Variants in DNAJC8 observed in about 807,000 individuals in gnomAD.
DNAJC8 encodes dnaJ homolog subfamily C member 8.
DNAJC8 carries 24 observed loss-of-function variants against 43.2 expected under a neutral mutation model. That is an observed-to-expected ratio of 0.56 (90% confidence interval 0.40 to 0.78). The LOEUF (loss-of-function observed/expected upper bound fraction) is 0.78, where lower values mean the gene tolerates loss of function less well. Among genes scored for constraint, DNAJC8 ranks in the 30% least tolerant of loss-of-function variants. The pLI is 0.00. For missense variants in DNAJC8, 207 were observed against 299.4 expected (o/e 0.69, Z 2.28); for synonymous variants, 83 against 98.0 (o/e 0.85, Z 0.90).
At chr1:28,204,607 T>A (rs1182583225) in intron 7 of DNAJC8, among the ~76,000 whole-genome samples, 1 of 152,218 alleles carries the variant, frequency 6.6e-6, no homozygotes, top group African/African-American at 2.4e-5. Context: ...TACAGTACTA[T>A]ACACTCACCA....
intron 2 of DNAJC8, among the ~76,000 whole-genome samples, chr1:28,218,743 T>C (rs1182537663): frequency 6.6e-6 from 1 of 151,868 alleles, no homozygotes; most frequent in Non-Finnish European, 1.5e-5. Context: ...CCGTCTCTAC[T>C]AAAAATACAA....
chr1:28,216,808 C>CTT (rs1178044559), intron 2 of DNAJC8, among the ~76,000 whole-genome samples: 2,680 of 131,068 alleles, frequency 0.02, 103 homozygotes, highest in African/African-American at 0.071. Context: ...GGGGCGATTT[C>CTT]TTTTTTTTTT....
At chr1:28,202,537 C>T (rs979392934) in intron 8 of DNAJC8, among the ~76,000 whole-genome samples, 15 of 151,038 alleles carry the variant, frequency 9.9e-5, no homozygotes, top group Non-Finnish European at 1.0e-4. Flanking sequence ...CCGTGGCCTC[C>T]CAAAGTGCTG....
At chr1:28,205,134 T>A in intron 7 of DNAJC8, 124 bp downstream of exon 7, 1 of 703,758 alleles carries the variant, frequency 1.4e-6, no homozygotes, top group Non-Finnish European at 2.3e-6. Flanking sequence ...TGTTTTTAGG[T>A]AACTATTTTT....
chr1:28,231,176 G>A (rs1298240030), intron 1 of DNAJC8, among the ~76,000 whole-genome samples: 1 of 151,782 alleles, frequency 6.6e-6, no homozygotes, highest in Non-Finnish European at 1.5e-5. Context: ...TTTAAGACCA[G>A]CCTGGGCAAC....
At chr1:28,224,898 A>AACAT (rs1174385179) in intron 2 of DNAJC8, among the ~76,000 whole-genome samples, 1 of 151,274 alleles carries the variant, frequency 6.6e-6, no homozygotes, top group African/African-American at 2.4e-5. Flanking sequence ...CAAACAAACA[A>AACAT]ACCAAAGAGC....
chr1:28,225,146 G>A lies in DNAJC8; in HGVS notation c.180+3776C>T, dbSNP rs151078056. 1.6e-3 allele frequency among the ~76,000 whole-genome samples: 244 copies of A among 151,364 alleles called. 5 individuals are homozygous for A. The highest frequency in any genetic ancestry group is 5.6e-3 in the African/African-American group (232 of 41,254). On this transcript the variant is annotated intron_variant, in intron 2 of 8. Coordinates refer to ENST00000263697, the MANE Select transcript of DNAJC8 (RefSeq NM_014280.3). ...GAGAAAGACTTTTTTGGGACAATTA[G>A]TAAAATTTGAATGGGGTCTGATGAT... is the stretch of plus-strand genomic sequence containing the variant.
chr1:28,229,362 A>G (rs1646958306), intron 1 of DNAJC8, among the ~76,000 whole-genome samples: 1 of 152,246 alleles, frequency 6.6e-6, no homozygotes, highest in Non-Finnish European at 1.5e-5. Context: ...TTGACCCCAC[A>G]GCAGGCATCA....
intron 2 of DNAJC8, among the ~76,000 whole-genome samples, chr1:28,222,019 AG>A (rs1444040573): frequency 1.3e-5 from 2 of 152,166 alleles, no homozygotes; most frequent in Non-Finnish European, 2.9e-5. Context: ...CTTTTATATG[AG>A]GTACTTGGTC....
intron 2 of DNAJC8, among the ~76,000 whole-genome samples, chr1:28,216,447 G>C (rs1163511804): frequency 6.6e-6 from 1 of 152,034 alleles, no homozygotes; most frequent in African/African-American, 2.4e-5. Flanking sequence ...CCAAATAAAA[G>C]AAAGAACAGA....
chr1:28,218,616 G>T (rs1333268087), intron 2 of DNAJC8, among the ~76,000 whole-genome samples: 1 of 151,736 alleles, frequency 6.6e-6, no homozygotes, highest in Non-Finnish European at 1.5e-5. Context: ...TAGAGATGGG[G>T]TCTCCCTGGC....
intron 6 of DNAJC8, among the ~76,000 whole-genome samples, chr1:28,206,197 T>TA (rs140435414): frequency 0.06 from 9,090 of 151,808 alleles, 303 homozygotes; most frequent in Middle Eastern, 0.092. Flanking sequence ...ATCTCTTTTT[T>TA]AAAAAAGTAT....
chr1:28,227,757 AAAGAAGAAG>A (rs971197662), intron 2 of DNAJC8, among the ~76,000 whole-genome samples: 1 of 151,982 alleles, frequency 6.6e-6, no homozygotes, highest in African/African-American at 2.4e-5. Flanking sequence ...TAAAAAAGAA[AAAGAAGAAG>A]AAGAAGAAGA....
At chr1:28,201,789 CAAAAAA>C (rs113275288) in intron 8 of DNAJC8, among the ~76,000 whole-genome samples, 2 of 111,380 alleles carry the variant, frequency 1.8e-5, no homozygotes, top group Non-Finnish European at 1.9e-5. Context: ...GACTTTGTAT[CAAAAAA>C]AAAAAAAAGA....
chr1:28,232,328 C>T (rs1244376294), intron 1 of DNAJC8, among the ~76,000 whole-genome samples: 16 of 152,186 alleles, frequency 1.1e-4, no homozygotes, highest in African/African-American at 3.9e-4. Flanking sequence ...TGAGCATCCA[C>T]TACATACTAT....
At chr1:28,208,558 C>T (rs561197622) in intron 5 of DNAJC8, 145 bp from the exon 6 acceptor site, 61 of 415,974 alleles carry the variant, frequency 1.5e-4, no homozygotes, top group Admixed American at 5.1e-4. Flanking sequence ...CCCCTCCCCT[C>T]CCTCCTCAAA....
intron 5 of DNAJC8, among the ~76,000 whole-genome samples, chr1:28,209,538 C>A (rs1646795019): frequency 6.6e-6 from 1 of 152,172 alleles, no homozygotes; most frequent in Admixed American, 6.5e-5. Context: ...ACATAAACCT[C>A]CTCCTATTTT....
At chr1:28,218,222 A>G (rs1329581211) in intron 2 of DNAJC8, among the ~76,000 whole-genome samples, 1 of 150,078 alleles carries the variant, frequency 6.7e-6, no homozygotes, top group Non-Finnish European at 1.5e-5. Context: ...CAGCCTCCTG[A>G]GTAGCTGGAA....
rs186925805 is a variant in DNAJC8, at chr1:28,222,813, G to C, written c.180+6109C>G. ...TCCACAGAGAAGGACAGCCTAACAT[G>C]GTGTACAAAGAAGTTCAGAAAGGCA... On this transcript the variant is annotated intron_variant, in intron 2 of 8. Coordinates refer to ENST00000263697, the MANE Select transcript of DNAJC8 (RefSeq NM_014280.3). 2.0e-3 allele frequency among the ~76,000 whole-genome samples: 310 copies of C among 152,022 alleles called. 5 individuals are homozygous for C. The highest frequency in any genetic ancestry group is 0.017 in the Admixed American group (264 of 15,244).
Sources: gnomAD v4.1 joint callset for allele counts (sites outside exome capture counted in the v4.1 genomes callset) on GRCh38, gnomAD v4.1.1 for gene constraint, MANE v1.5 for transcripts, NCBI Gene and HGNC (gene_info 2026-07-23, HGNC 2026-07-21) for gene names.